Variants in ZNRF3 observed in about 807,000 individuals in gnomAD.
ZNRF3 encodes the protein zinc and ring finger 3, also known as E3 ubiquitin-protein ligase ZNRF3.
Under a neutral mutation model 72.5 loss-of-function variants are expected in ZNRF3, and 23 were observed. That is an observed-to-expected ratio of 0.32 (90% CI 0.23 to 0.45). ZNRF3 has a LOEUF of 0.45. Among genes scored for constraint, ZNRF3 ranks in the 20% least tolerant of loss-of-function variants. The pLI is 1.00. For missense variants in ZNRF3, 1,169 were observed against 1,272.1 expected, an observed-to-expected ratio of 0.92 and a Z score of 1.23; for synonymous variants, 610 against 545.3, an observed-to-expected ratio of 1.12 and a Z score of -1.65.
At position 29,043,355 on chromosome 22, in the gene ZNRF3, A is replaced by C; in HGVS notation, c.558A>C (p.Ala186=). 6.2e-7 allele frequency: 1 copy of C among 1,614,078 alleles called. No individual in the cohort carries two copies. Among genetic ancestry groups the C allele is most frequent in the Non-Finnish European group, 8.5e-7 (1 of 1,180,020 alleles). Residue 186 remains alanine (A), a synonymous_variant, in exon 4 of 9, where the codon GCA becomes GCC. Transcript: ENST00000544604. ...GGCCGGTGGTGTATGTGAAGGGTGC[A>C]GATGCCATTAAGCTGATGAACATCG... is the stretch of plus-strand genomic sequence containing the variant. The part of the protein sequence containing the change: ...LKRPVVYVKG[A]DAIKLMNIVN...
intron 1 of ZNRF3, among the ~76,000 whole-genome samples, chr22:28,887,766 A>G (rs2033818035): frequency 6.6e-6 from 1 of 152,174 alleles, no homozygotes; most frequent in Non-Finnish European, 1.5e-5. Context: ...AGATATATTG[A>G]TACATATTTC....
chr22:28,994,485 G>T (rs183016204), intron 2 of ZNRF3, among the ~76,000 whole-genome samples: 1 of 152,032 alleles, frequency 6.6e-6, no homozygotes, highest in Non-Finnish European at 1.5e-5. Context: ...CACCGCTCCC[G>T]GCTCCTTCGT....
At chr22:28,913,461 C>A (rs929206795) in intron 1 of ZNRF3, among the ~76,000 whole-genome samples, 1 of 151,950 alleles carries the variant, frequency 6.6e-6, no homozygotes, top group African/African-American at 2.4e-5. Context: ...TGCACTGGTT[C>A]AGTTGGTGTC....
chr22:29,037,822 A>C (rs556398085), intron 2 of ZNRF3, among the ~76,000 whole-genome samples: 9 of 152,336 alleles, frequency 5.9e-5, no homozygotes, highest in African/African-American at 2.2e-4. Flanking sequence ...AGCAAAGGTG[A>C]TGAAGGATGT....
At chr22:28,972,901 C>A (rs77385123) in intron 1 of ZNRF3, among the ~76,000 whole-genome samples, 1,941 of 152,266 alleles carry the variant, frequency 0.013, 42 homozygotes, top group African/African-American at 0.045. Context: ...ATCCTATGCC[C>A]ATTTTTAATT....
intron 1 of ZNRF3, among the ~76,000 whole-genome samples, chr22:28,926,002 C>A (rs761005606): frequency 6.6e-6 from 1 of 152,184 alleles, no homozygotes; most frequent in Non-Finnish European, 1.5e-5. Flanking sequence ...AGAGATCTTG[C>A]GTCTTTGTTC....
At chr22:28,998,663 C>T (rs186032950) in intron 2 of ZNRF3, among the ~76,000 whole-genome samples, 1 of 152,290 alleles carries the variant, frequency 6.6e-6, no homozygotes, top group African/African-American at 2.4e-5. Context: ...ATCTACACCA[C>T]CTAAATCTTC....
At chr22:29,025,613 C>T (rs1442354347) in intron 2 of ZNRF3, 3 of 151,192 alleles carry the variant, frequency 2.0e-5, no homozygotes, top group Non-Finnish European at 4.4e-5. Context: ...GCCTGGAATA[C>T]AAGCGCATGA....
At chr22:28,931,572 T>G (rs2034707404) in intron 1 of ZNRF3, among the ~76,000 whole-genome samples, 1 of 152,218 alleles carries the variant, frequency 6.6e-6, no homozygotes, top group Non-Finnish European at 1.5e-5. Context: ...CATTACTGTC[T>G]TGACAAAAGG....
chr22:28,958,317 G>C (rs1250502504), intron 1 of ZNRF3, among the ~76,000 whole-genome samples: 2 of 152,226 alleles, frequency 1.3e-5, no homozygotes, highest in African/African-American at 4.8e-5. Flanking sequence ...TATTTGAGTA[G>C]TCCACTGGGC....
At chr22:28,895,461 C>T (rs1240025017) in intron 1 of ZNRF3, among the ~76,000 whole-genome samples, 2 of 152,102 alleles carry the variant, frequency 1.3e-5, no homozygotes, top group East Asian at 1.9e-4. Flanking sequence ...GGGTGGATCA[C>T]GAGGTCAGGA....
chr22:29,000,548 G>A (rs1055121525), intron 2 of ZNRF3, among the ~76,000 whole-genome samples: 1 of 152,082 alleles, frequency 6.6e-6, no homozygotes, highest in South Asian at 2.1e-4. Flanking sequence ...GAACCTAACT[G>A]TAAAGGTGTA....
At chr22:28,918,545 TG>T (rs2034451025) in intron 1 of ZNRF3, among the ~76,000 whole-genome samples, 1 of 70,658 alleles carries the variant, frequency 1.4e-5, no homozygotes, top group Non-Finnish European at 2.7e-5. Flanking sequence ...TGCGTGTGTG[TG>T]TGTGTGTGTG....
In ZNRF3 at chr22:28,927,578, T is replaced by A. The variant is rs530203773; in HGVS notation, c.300+43512T>A. Among the ~76,000 whole-genome samples the A allele has an allele frequency of 8.1e-4, 123 of 152,326 alleles. 1 individual carries two copies. The South Asian group carries it at 0.024, about 29-fold the overall frequency. Reference sequence around the variant, plus strand: ...GTATCCCCTCCAAAACAAATTAATATGTGATTCTGTGTGTGTTTGTATGTG... The same window carrying A: ...GTATCCCCTCCAAAACAAATTAATAAGTGATTCTGTGTGTGTTTGTATGTG... On this transcript the variant is annotated intron_variant, in intron 1 of 8. Transcript: ENST00000544604.
At chr22:28,953,988 A>G (rs2035211618) in intron 1 of ZNRF3, among the ~76,000 whole-genome samples, 1 of 152,188 alleles carries the variant, frequency 6.6e-6, no homozygotes, top group Admixed American at 6.5e-5. Context: ...TTGTGGTTCC[A>G]CACCATAGGG....
chr22:29,049,772 T>A lies in ZNRF3; in HGVS notation c.1591T>A (p.Cys531Ser), dbSNP rs1410115007. 1 of 1,597,870 alleles carries A rather than the reference T, an allele frequency of 6.3e-7. No individual in the cohort carries two copies. The highest frequency in any genetic ancestry group is 1.1e-5 in the South Asian group (1 of 89,520). The change falls in exon 8 of 9, where the codon TGC becomes AGC. Residue 531 changes from cysteine to serine, a missense_variant. Physicochemically the swap from Cys to Ser is moderately radical, Grantham distance 112. This residue lies in a region of ZNRF3 where 783 missense variants were observed against 731.4 expected (regional missense o/e 1.07). Coordinates refer to ENST00000544604, the MANE Select transcript of ZNRF3 (RefSeq NM_001206998.2). This position sits in a 1 kb window ranked among gnomAD's most constrained non-coding sequence, Gnocchi z 5.2. ...LESGSTSSFS[C>S]YHGHRSVCSG... ...GAGCGGCAGCACGTCCAGCTTCAGC[T>A]GCTATCACGGCCACCGCTCGGTGTG...
chr22:28,904,947 T>C (rs1482951686), intron 1 of ZNRF3, among the ~76,000 whole-genome samples: 1 of 151,708 alleles, frequency 6.6e-6, no homozygotes, highest in Non-Finnish European at 1.5e-5. Context: ...TGTCTTTTTT[T>C]TTTTTTTTCT....
At chr22:28,925,631 A>G (rs1476501368) in intron 1 of ZNRF3, among the ~76,000 whole-genome samples, 1 of 152,030 alleles carries the variant, frequency 6.6e-6, no homozygotes, top group Non-Finnish European at 1.5e-5. Context: ...TATACCCACT[A>G]TCTATATTCC....
At chr22:28,885,200 C>T (rs1293257033) in intron 1 of ZNRF3, among the ~76,000 whole-genome samples, 2 of 152,018 alleles carry the variant, frequency 1.3e-5, no homozygotes, top group East Asian at 3.9e-4. Context: ...TGTCCTTTTC[C>T]TTCCTTGGGT....
Sources: allele counts gnomAD v4.1 joint callset (sites outside exome capture counted in the v4.1 genomes callset), GRCh38; gene constraint gnomAD v4.1.1; regional missense constraint gnomAD v4.1.1; non-coding constraint Gnocchi (gnomAD v3.1); transcripts MANE v1.5; gene names NCBI Gene and HGNC (gene_info 2026-07-23, HGNC 2026-07-21).